PPIL3: variants seen among roughly 807,000 people sequenced by gnomAD.
PPIL3 encodes peptidylprolyl isomerase like 3, also known as peptidyl-prolyl cis-trans isomerase-like 3.
A neutral mutation model predicts 20.9 loss-of-function variants in PPIL3; 13 were observed. That is an observed-to-expected ratio of 0.62 (90% CI 0.40 to 0.99). The LOEUF (loss-of-function observed/expected upper bound fraction) is 0.99, where lower values mean the gene tolerates loss of function less well. PPIL3 is among the 50% of genes least tolerant of loss of function. The pLI is 0.00. For missense variants in PPIL3, 170 were observed against 195.2 expected, an observed-to-expected ratio of 0.87 and a Z score of 0.77; for synonymous variants, 71 against 64.4, an observed-to-expected ratio of 1.10 and a Z score of -0.49.
chr2:200,880,694 C>T (rs747677857), intron 5 of PPIL3, among the ~76,000 whole-genome samples: 17 of 152,000 alleles, frequency 1.1e-4, no homozygotes, highest in Non-Finnish European at 1.5e-4. Context: ...TACTTCATTG[C>T]TCTTTTTCTA....
intron 4 of PPIL3, 80 bp from the exon 5 acceptor site, chr2:200,881,568 C>G (rs2039727249): frequency 8.2e-7 from 1 of 1,223,012 alleles, no homozygotes; most frequent in Admixed American, 1.9e-5. Flanking sequence ...TTAAGGAATA[C>G]TTTATAGTTT....
At position 200,889,031 on chromosome 2, in the gene PPIL3, T is replaced by G; in HGVS notation, c.-146A>C. The G allele has an allele frequency of 2.1e-6, 1 of 471,220 alleles. No individual in the cohort carries two copies. The highest frequency in any genetic ancestry group is 4.4e-6 in the Non-Finnish European group (1 of 227,076). The allele number at this position is 471,220 out of a possible 1,614,324, so 29.2% of individuals were successfully genotyped here. On this transcript the variant is annotated 5_prime_UTR_variant, in exon 1 of 7. Coordinates refer to ENST00000392283, the MANE Select transcript of PPIL3 (RefSeq NM_130906.3). ...GCAATCGCAGATGCCAGCAGAGGTC[T>G]GTTGGTTCAAAATTATAGTTTCTTT...
intron 2 of PPIL3, 69 bp downstream of exon 2, chr2:200,887,544 T>C: frequency 8.2e-7 from 1 of 1,213,848 alleles, no homozygotes; most frequent in Non-Finnish European, 1.2e-6. Context: ...GAACTTTTAT[T>C]GCCCTTGACT....
At chr2:200,881,677 AAAG>A (rs2039732590) in intron 4 of PPIL3, 189 bp from the exon 5 acceptor site, 6 of 539,116 alleles carry the variant, frequency 1.1e-5, no homozygotes, top group Non-Finnish European at 1.3e-5. Context: ...AAAAAACAAA[AAAG>A]AATAACCCTC....
intron 3 of PPIL3, among the ~76,000 whole-genome samples, chr2:200,884,411 T>C (rs145080808): frequency 9.9e-5 from 15 of 151,302 alleles, no homozygotes; most frequent in African/African-American, 2.9e-4. Flanking sequence ...TCAAAATAAA[T>C]AAATAAATAA....
At chr2:200,886,243 C>T (rs992231323) in intron 2 of PPIL3, among the ~76,000 whole-genome samples, 1 of 152,102 alleles carries the variant, frequency 6.6e-6, no homozygotes, top group Admixed American at 6.5e-5. Flanking sequence ...ATTCCTTTCT[C>T]GACTAACAAA....
At chr2:200,888,596 T>C in intron 1 of PPIL3, 1 of 225,180 alleles carries the variant, frequency 4.4e-6, no homozygotes, top group Non-Finnish European at 9.1e-6. Context: ...CTCGGCTCAC[T>C]GCAACCTCCG....
intron 3 of PPIL3, among the ~76,000 whole-genome samples, chr2:200,883,840 A>G (rs1575112681): frequency 1.3e-5 from 2 of 152,078 alleles, no homozygotes; most frequent in East Asian, 3.9e-4. Context: ...AGAGCTCACT[A>G]CAGTCTTGAC....
intron 6 of PPIL3, among the ~76,000 whole-genome samples, chr2:200,874,023 G>A (rs917747667): frequency 3.3e-5 from 5 of 151,240 alleles, no homozygotes; most frequent in Non-Finnish European, 5.9e-5. Context: ...GGCTAACATG[G>A]TGAAACCCCG....
In PPIL3 at chr2:200,871,515, T is replaced by A; in HGVS notation, c.366A>T (p.Ile122=). 1 of 1,611,286 alleles carries A rather than the reference T, an allele frequency of 6.2e-7. No homozygotes were observed. The highest frequency in any genetic ancestry group is 2.2e-5 in the East Asian group (1 of 44,832). The change falls in exon 7 of 7, where the codon ATA becomes ATT. Residue 122 remains isoleucine, a synonymous_variant. Coordinates refer to ENST00000392283, the MANE Select transcript of PPIL3 (RefSeq NM_130906.3). Reference sequence around the variant, plus strand: ...ACTCATCTAGAGTTTCCAGACCATCTATTACCCTGAAAGAGAAACAACATA... The same window carrying A: ...ACTCATCTAGAGTTTCCAGACCATCAATTACCCTGAAAGAGAAACAACATA... ...DMKYTVFGKV[I]DGLETLDELE... is the part of the protein sequence containing the mutation.
At chr2:200,885,609 G>T in intron 3 of PPIL3, 89 bp downstream of exon 3, 1 of 853,466 alleles carries the variant, frequency 1.2e-6, no homozygotes, top group Admixed American at 2.5e-5. Flanking sequence ...AGAAAGTTTT[G>T]TTGTTGTTAT....
intron 6 of PPIL3, 147 bp from the exon 7 acceptor site, chr2:200,871,668 T>A: frequency 1.4e-6 from 1 of 703,976 alleles, no homozygotes; most frequent in Non-Finnish European, 2.3e-6. Flanking sequence ...AATGTTGATT[T>A]TCCATCATAG....
intron 6 of PPIL3, among the ~76,000 whole-genome samples, chr2:200,872,272 G>A (rs1381250863): frequency 6.6e-6 from 1 of 152,056 alleles, no homozygotes; most frequent in East Asian, 1.9e-4. Context: ...ACCAAATGGA[G>A]GAGATGCATA....
At chr2:200,887,867 GCCAACATGGCGAAACCCCGTCTCTA>G in intron 1 of PPIL3, among the ~76,000 whole-genome samples, 182 bp from the exon 2 acceptor site, 1 of 151,876 alleles carries the variant, frequency 6.6e-6, no homozygotes, top group Admixed American at 6.6e-5. Context: ...GACCAGCCTG[GCCAACATGGCGAAACCCCGTCTCTA>G]CTAAAAACAC....
At chr2:200,882,210 T>C (rs2039758076) in intron 4 of PPIL3, 132 bp downstream of exon 4, 1 of 670,960 alleles carries the variant, frequency 1.5e-6, no homozygotes, top group Non-Finnish European at 2.6e-6. Flanking sequence ...GCATGTTCTG[T>C]ACTTGTAGAA....
Position 200,882,371 on chromosome 2 carries a change from C to T in PPIL3, c.143G>A (p.Gly48Asp). 2 of 1,606,596 alleles carry T rather than the reference C, an allele frequency of 1.2e-6. No homozygotes were observed. Among genetic ancestry groups the T allele is most frequent in the Non-Finnish European group, 1.7e-6 (2 of 1,173,170 alleles). Residue 48 changes from glycine (G) to aspartate (D), a missense_variant, in exon 4 of 7, where the codon GGT becomes GAT. By Grantham distance (94) the Gly-to-Asp change is moderately conservative. Transcript: ENST00000392283. ...TGGATCTCCTGTTTGAACCATGAAA[C>T]CCTTGATATTCCTATGAAATATACA... is the stretch of plus-strand genomic sequence containing the variant. The part of the protein sequence containing the change: ...NGCIFHRNIK[G>D]FMVQTGDPTG...
chr2:200,883,962 A>T (rs1350117083), intron 3 of PPIL3, among the ~76,000 whole-genome samples: 1 of 152,172 alleles, frequency 6.6e-6, no homozygotes, highest in Non-Finnish European at 1.5e-5. Context: ...TGGGGGTCTC[A>T]CTATATTGCC....
At chr2:200,882,320 C>T (rs776813745) in intron 4 of PPIL3, 22 bp downstream of exon 4, 17 of 1,448,960 alleles carry the variant, frequency 1.2e-5, no homozygotes, top group Non-Finnish European at 1.5e-5. Context: ...TTCCTTAGAT[C>T]TTGGTTAATG....
intron 6 of PPIL3, among the ~76,000 whole-genome samples, chr2:200,875,392 T>C (rs999050354): frequency 1.3e-5 from 2 of 151,946 alleles, no homozygotes; most frequent in Non-Finnish European, 2.9e-5. Context: ...CTCAGCTTCC[T>C]GAGTAGCTGG....
Sources: gnomAD v4.1 joint callset for allele counts (sites outside exome capture counted in the v4.1 genomes callset) on GRCh38, gnomAD v4.1.1 for gene constraint, MANE v1.5 for transcripts, NCBI Gene and HGNC (gene_info 2026-07-23, HGNC 2026-07-21) for gene names.